Variants in ARHGAP17 observed in about 807,000 individuals in gnomAD.
ARHGAP17 encodes the protein Rho GTPase activating protein 17, also known as rho GTPase-activating protein 17.
In ARHGAP17, 57 loss-of-function variants were observed where a neutral mutation model predicts 99.5. The observed-to-expected ratio is 0.57, with a 90% CI of 0.46 to 0.71. The LOEUF (loss-of-function observed/expected upper bound fraction) is 0.71. Ranked by LOEUF, ARHGAP17 falls within the 30% of genes least tolerant of loss-of-function variation. ARHGAP17 has a pLI of 0.00. For synonymous variants in ARHGAP17, 417 were observed against 429.6 expected (o/e 0.97, Z 0.36); for missense variants, 1,000 against 1,122.4 (o/e 0.89, Z 1.56).
chr16:24,996,177 G>A (rs12597466), intron 1 of ARHGAP17, among the ~76,000 whole-genome samples: 39,527 of 151,942 alleles, frequency 0.26, 6,025 homozygotes, highest in East Asian at 0.51. Flanking sequence ...CTCCCATAAC[G>A]TCTTAAATCC....
At chr16:24,968,250 T>C in intron 6 of ARHGAP17, 101 bp downstream of exon 6, 1 of 1,374,858 alleles carries the variant, frequency 7.3e-7, no homozygotes, top group Non-Finnish European at 1.0e-6. Context: ...GGGGGTCAAA[T>C]GCACGAATTG....
At chr16:24,945,699 T>C (rs1447540018) in intron 14 of ARHGAP17, among the ~76,000 whole-genome samples, 1 of 152,212 alleles carries the variant, frequency 6.6e-6, no homozygotes, top group Non-Finnish European at 1.5e-5. Flanking sequence ...TGCCTGTAAA[T>C]GATCCTTCCC....
intron 14 of ARHGAP17, 49 bp from the exon 15 acceptor site, chr16:24,943,911 A>T: frequency 6.7e-7 from 1 of 1,490,426 alleles, no homozygotes; most frequent in Non-Finnish European, 9.4e-7. Context: ...GGCAGCATCT[A>T]ATTTCTTCTG....
intron 1 of ARHGAP17, among the ~76,000 whole-genome samples, chr16:25,005,798 G>A (rs1337736478): frequency 2.6e-5 from 4 of 152,100 alleles, no homozygotes; most frequent in African/African-American, 9.7e-5. Flanking sequence ...ATTTTTTAAG[G>A]ACAATATCTA....
intron 16 of ARHGAP17, 33 bp from the exon 17 acceptor site, chr16:24,939,630 T>C (rs757072932): frequency 5.6e-5 from 87 of 1,565,152 alleles, no homozygotes; most frequent in Non-Finnish European, 7.4e-5. Flanking sequence ...CAACACACCA[T>C]GCGAGCAGAC....
intron 19 of ARHGAP17, among the ~76,000 whole-genome samples, chr16:24,927,001 T>C (rs1390905331): frequency 6.6e-6 from 1 of 152,148 alleles, no homozygotes; most frequent in Non-Finnish European, 1.5e-5. Context: ...CCAGGCACAA[T>C]GGCTCACACC....
At chr16:25,003,681 G>A (rs1283701380) in intron 1 of ARHGAP17, among the ~76,000 whole-genome samples, 11 of 152,054 alleles carry the variant, frequency 7.2e-5, no homozygotes, top group East Asian at 2.0e-4. Flanking sequence ...AAAATTAGCC[G>A]GGAGTGGTAG....
chr16:24,991,058 T>C (rs1374186736), intron 1 of ARHGAP17, among the ~76,000 whole-genome samples: 2 of 152,186 alleles, frequency 1.3e-5, no homozygotes, highest in Non-Finnish European at 2.9e-5. Context: ...AACAGAGTGA[T>C]ACCCAATTCT....
intron 1 of ARHGAP17, among the ~76,000 whole-genome samples, chr16:24,986,903 G>T (rs1467873235): frequency 6.6e-6 from 1 of 152,178 alleles, no homozygotes; most frequent in Admixed American, 6.5e-5. Flanking sequence ...GTCCAAATGC[G>T]GAGGCACAGC....
chr16:24,951,357 G>A (rs1025831612), intron 12 of ARHGAP17, among the ~76,000 whole-genome samples: 7 of 152,100 alleles, frequency 4.6e-5, no homozygotes, highest in Non-Finnish European at 8.8e-5. Context: ...CTTTTATAAC[G>A]TTAATTAAAG....
chr16:24,942,767 C>CA (rs768002636), intron 15 of ARHGAP17, among the ~76,000 whole-genome samples: 2,555 of 69,266 alleles, frequency 0.037, 61 homozygotes, highest in African/African-American at 0.074. Context: ...GACTCTGTCT[C>CA]AAAAAAAAAA....
intron 2 of ARHGAP17, 77 bp from the exon 3 acceptor site, chr16:24,977,396 G>T: frequency 8.2e-7 from 1 of 1,213,934 alleles, no homozygotes; most frequent in Non-Finnish European, 1.2e-6. Flanking sequence ...GGAAAAGCAT[G>T]GCTGAATCTA....
At chr16:24,949,304 T>C (rs1206620864) in intron 13 of ARHGAP17, 100 bp downstream of exon 13, 2 of 865,086 alleles carry the variant, frequency 2.3e-6, no homozygotes, top group East Asian at 2.6e-5. Context: ...GTTGTTGTTG[T>C]TGTTTTTTAA....
At chr16:25,010,085 T>C (rs1469665034) in intron 1 of ARHGAP17, among the ~76,000 whole-genome samples, 4 of 151,672 alleles carry the variant, frequency 2.6e-5, no homozygotes, top group Non-Finnish European at 2.9e-5. Flanking sequence ...TTTTTTTCTT[T>C]TTTTTTTTGA....
chr16:25,000,399 G>A (rs1020539356), intron 1 of ARHGAP17, among the ~76,000 whole-genome samples: 1 of 152,152 alleles, frequency 6.6e-6, no homozygotes, highest in Non-Finnish European at 1.5e-5. Flanking sequence ...GCAGCTCCCA[G>A]CATGGGAACT....
At chr16:24,979,127 G>T in intron 1 of ARHGAP17, 122 bp from the exon 2 acceptor site, 1 of 688,442 alleles carries the variant, frequency 1.5e-6, no homozygotes. Flanking sequence ...AGAAGGGTTG[G>T]CAGGGGCAGT....
Position 24,968,359 on chromosome 16 carries a change from G to A in ARHGAP17, c.453C>T (p.Val151=). 1 of 1,614,198 alleles carries A rather than the reference G, an allele frequency of 6.2e-7. No homozygotes were observed. Among genetic ancestry groups the A allele is most frequent in the Non-Finnish European group, 8.5e-7 (1 of 1,180,038 alleles). The part of the protein sequence containing the change: ...LARLVLDWDS[V]RARWNQAHKS... The stretch of plus-strand genomic sequence containing the variant: ...CTGGCTCAAGCTGTTACCTGGCTCT[G>A]ACTGAATCCCAGTCTAACACCAATC... The change falls in exon 6 of 20, where the codon GTC becomes GTT. Residue 151 remains valine, a synonymous_variant. Transcript: ENST00000289968.
chr16:24,930,878 G>C lies in ARHGAP17; in HGVS notation c.2421C>G (p.Pro807=). The C allele has an allele frequency of 6.2e-7, 1 of 1,613,964 alleles. No homozygotes were observed. Residue 807 remains proline, a synonymous_variant, in exon 19 of 20, where the codon CCC becomes CCG. Coordinates refer to ENST00000289968, the MANE Select transcript of ARHGAP17 (RefSeq NM_001006634.3). ...GAGGTTGGGGGGGTGGGGGCACGCT[G>C]GGCCGGTTCCTTGGCTTTGGTACTG... ...PRPVPKPRNR[P]SVPPPPQPPG...
chr16:24,935,300 T>C (rs2051105125), intron 18 of ARHGAP17, among the ~76,000 whole-genome samples, 170 bp downstream of exon 18: 1 of 152,192 alleles, frequency 6.6e-6, no homozygotes. Flanking sequence ...TTCTCTATTT[T>C]TTCCTTTTTC....
Sources: gnomAD v4.1 joint callset for allele counts (sites outside exome capture counted in the v4.1 genomes callset) on GRCh38, gnomAD v4.1.1 for gene constraint, MANE v1.5 for transcripts, NCBI Gene and HGNC (gene_info 2026-07-23, HGNC 2026-07-21) for gene names.